ADGRF3: variants seen among roughly 807,000 people sequenced by gnomAD.
ADGRF3 encodes the protein G protein-coupled receptor 113.
ADGRF3 carries 85 observed loss-of-function variants against 93.2 expected under a neutral mutation model. That is an observed-to-expected ratio of 0.91 (90% CI 0.77 to 1.09). The LOEUF (loss-of-function observed/expected upper bound fraction) is 1.09, where lower values mean the gene tolerates loss of function less well. Among genes scored for constraint, ADGRF3 ranks in the 50% least tolerant of loss-of-function variants. ADGRF3 has a pLI of 0.00. For missense variants in ADGRF3, 1,125 were observed against 1,246.2 expected (o/e 0.90, Z 1.46); for synonymous variants, 534 against 532.5 (o/e 1.00, Z -0.04).
Position 26,308,248 on chromosome 2 carries a change from T to C in ADGRF3, c.*838A>G, listed in dbSNP as rs952563761. On this transcript the variant is annotated 3_prime_UTR_variant, in exon 14 of 14. Coordinates refer to ENST00000651242, the MANE Select transcript of ADGRF3 (RefSeq NM_001321971.2). ...TTATAAAAAATATCCATGAATTGCATAATTAACAAAGACCGATTCATCAGA... is the reference window on the plus strand; with the variant it reads ...TTATAAAAAATATCCATGAATTGCACAATTAACAAAGACCGATTCATCAGA... 1 of 152,128 alleles carries C rather than the reference T, an allele frequency of 6.6e-6. No homozygotes were observed. Among genetic ancestry groups the C allele is most frequent in the Non-Finnish European group, 1.5e-5 (1 of 68,028 alleles). 9.4% of individuals were successfully genotyped at this position (152,128 alleles called of 1,614,324 possible). A position where few individuals can be genotyped will look rare whatever the true frequency, so the allele number is the denominator to read the frequency against.
chr2:26,321,823 A>G (rs976692634), intron 1 of ADGRF3, among the ~76,000 whole-genome samples: 2 of 151,068 alleles, frequency 1.3e-5, no homozygotes, highest in Admixed American at 1.3e-4. Context: ...AATACAAAAA[A>G]ATTAGCCAGG....
rs755388045 is a variant in ADGRF3 at position 26,310,905 on chromosome 2, C to A, written c.2619G>T (p.Gly873=). 13 of 1,612,628 alleles carry A rather than the reference C, an allele frequency of 8.1e-6. No individual in the cohort carries two copies. The Admixed American group carries it at 2.2e-4, about 27-fold the overall frequency. ...GPVLAIIGVN[G]LVLAMAMLKL... is the part of the protein sequence containing the mutation. Reference sequence around the variant, plus strand: ...TCAGCATGGCCATGGCTAGTACCAGCCCATTCACGCCTATGATGGCCAGCA... The same window carrying A: ...TCAGCATGGCCATGGCTAGTACCAGACCATTCACGCCTATGATGGCCAGCA... Residue 873 remains glycine, a synonymous_variant, in exon 10 of 14, where the codon GGG becomes GGT. Transcript: ENST00000651242.
chr2:26,312,733 C>T (rs1027399879), intron 9 of ADGRF3, among the ~76,000 whole-genome samples: 3 of 152,232 alleles, frequency 2.0e-5, no homozygotes, highest in African/African-American at 7.2e-5. Flanking sequence ...GCCTCCAACC[C>T]CCATGTGCTC....
intron 6 of ADGRF3, 24 bp downstream of exon 6, chr2:26,314,390 C>G (rs762878138): frequency 1.3e-6 from 2 of 1,599,388 alleles, no homozygotes; most frequent in Non-Finnish European, 1.7e-6. Context: ...CCTCTGACCC[C>G]TGACTGCTGG....
rs755184709 is a variant in ADGRF3 at position 26,311,372 on chromosome 2, G to T, written c.2152C>A (p.Leu718Ile). 240 of 1,613,910 alleles carry T rather than the reference G, an allele frequency of 1.5e-4. No homozygotes were observed. The highest frequency in any genetic ancestry group is 6.8e-6 in the Non-Finnish European group (8 of 1,179,906). The change falls in exon 10 of 14, where the codon CTT becomes ATT. Residue 718 changes from leucine (L) to isoleucine (I), a missense_variant. Leu to Ile is a conservative substitution (Grantham distance 5, BLOSUM62 2). Coordinates refer to ENST00000651242, the MANE Select transcript of ADGRF3 (RefSeq NM_001321971.2). ...VGLGASILAL[L>I]VCLGVYWLVW... ...AGCCAGTACACACCCAGGCACACAA[G>T]CAGCGCCAGTATGGAAGCTCCCAAG...
At chr2:26,343,333 A>T (rs1043546907) in intron 1 of ADGRF3, among the ~76,000 whole-genome samples, 1 of 152,256 alleles carries the variant, frequency 6.6e-6, no homozygotes, top group African/African-American at 2.4e-5. Flanking sequence ...ACTTAATCTC[A>T]GAGAAGTTAT....
In ADGRF3 at chr2:26,309,188, C is replaced by T. The variant is rs529018793; in HGVS notation, c.2994-81G>A. ...CCCTCCCCTCTGGATACCAAGCCCA[C>T]CCATGGCAATCCCTTCAAGGCGTGA... On this transcript the variant is annotated intron_variant, in intron 13 of 13. Coordinates refer to ENST00000651242, the MANE Select transcript of ADGRF3 (RefSeq NM_001321971.2). 4.6e-5 allele frequency: 74 copies of T among 1,613,934 alleles called. No individual in the cohort carries two copies. In the Admixed American group the frequency reaches 9.3e-4, roughly 20 times the overall value.
intron 1 of ADGRF3, chr2:26,318,110 A>AG (rs755884651): frequency 2.6e-6 from 4 of 1,545,902 alleles, no homozygotes; most frequent in Non-Finnish European, 2.6e-6. Context: ...TGGGGCAGGC[A>AG]GGGAAGGGTC....
At chr2:26,329,851 CT>C (rs1409697492) in intron 1 of ADGRF3, among the ~76,000 whole-genome samples, 1 of 152,126 alleles carries the variant, frequency 6.6e-6, no homozygotes, top group African/African-American at 2.4e-5. Flanking sequence ...ACTTATGGCA[CT>C]TTTGTAATAG....
At chr2:26,332,172 C>A (rs1438279978) in intron 1 of ADGRF3, among the ~76,000 whole-genome samples, 1 of 152,190 alleles carries the variant, frequency 6.6e-6, no homozygotes, top group Non-Finnish European at 1.5e-5. Context: ...AAATAGAGAT[C>A]TGTTCAGTAG....
At chr2:26,328,547 A>G (rs934856404) in intron 1 of ADGRF3, among the ~76,000 whole-genome samples, 1 of 143,994 alleles carries the variant, frequency 6.9e-6, no homozygotes, top group African/African-American at 2.6e-5. Flanking sequence ...TCCGCCTCCC[A>G]GGTTCAAGCG....
intron 1 of ADGRF3, among the ~76,000 whole-genome samples, chr2:26,343,535 GTTCACACCA>G (rs1314700379): frequency 6.6e-6 from 1 of 152,048 alleles, no homozygotes; most frequent in Non-Finnish European, 1.5e-5. Context: ...CGCCTCCCGG[GTTCACACCA>G]TTCTCCTGCC....
intron 1 of ADGRF3, among the ~76,000 whole-genome samples, chr2:26,327,346 T>G (rs1284542984): frequency 6.6e-6 from 1 of 152,218 alleles, no homozygotes; most frequent in Non-Finnish European, 1.5e-5. Context: ...AGTTTATCCC[T>G]GATGTTCATT....
At chr2:26,330,581 G>A (rs1459782836) in intron 1 of ADGRF3, among the ~76,000 whole-genome samples, 3 of 152,094 alleles carry the variant, frequency 2.0e-5, no homozygotes, top group African/African-American at 7.2e-5. Context: ...CTCGGCTCCT[G>A]CGGATCCTCA....
At chr2:26,313,220 CT>C in intron 8 of ADGRF3, 98 bp from the exon 9 acceptor site, 2 of 1,487,854 alleles carry the variant, frequency 1.3e-6, no homozygotes, top group Non-Finnish European at 9.2e-7. Flanking sequence ...CCCAGAAGCC[CT>C]CTCACTCCTA....
chr2:26,315,908 G>T, intron 4 of ADGRF3, 168 bp from the exon 5 acceptor site: 1 of 1,033,140 alleles, frequency 9.7e-7, no homozygotes, highest in Non-Finnish European at 1.4e-6. Flanking sequence ...TGTGGCTGCT[G>T]CAATCCAGCC....
chr2:26,314,172 T>C (rs1005391630), intron 6 of ADGRF3, among the ~76,000 whole-genome samples: 2 of 152,226 alleles, frequency 1.3e-5, no homozygotes, highest in Admixed American at 6.5e-5. Flanking sequence ...ACTAATTCCA[T>C]AGAGAGTTAA....
In ADGRF3 at chr2:26,314,442, C is replaced by A; in HGVS notation, c.900G>T (p.Ala300=). ...CIPSTNLAYT[A]AWSPGEGSKA... ...TGCTGCCCTCTCCAGGGCTCCAGGC[C>A]GCGGTGTAGGCCAGGTTTGTGCTGG... Residue 300 remains alanine (A), a synonymous_variant, in exon 6 of 14, where the codon GCG becomes GCT. Transcript: ENST00000651242. 1 of 1,613,896 alleles carries A rather than the reference C, an allele frequency of 6.2e-7. No homozygotes were observed. The highest frequency in any genetic ancestry group is 8.5e-7 in the Non-Finnish European group (1 of 1,179,882).
rs139085587 is a variant in ADGRF3, at chr2:26,311,888, G to T, written c.1636C>A (p.Leu546Met). The change falls in exon 10 of 14, where the codon CTG (leucine) becomes ATG (methionine). Residue 546 changes from leucine (L) to methionine (M), a missense_variant. Physicochemically the swap from Leu to Met is conservative, Grantham distance 15. Transcript: ENST00000651242. ...SLPNVLLQSQ[L>M]FGPTFPADYS... The stretch of plus-strand genomic sequence containing the variant: ...TCAGCAGGAAACGTGGGTCCAAACA[G>T]CTGGCTCTGCAGCAGCACATTGGGT... 1.9e-6 allele frequency: 3 copies of T among 1,613,954 alleles called. No individual in the cohort carries two copies. The highest frequency in any genetic ancestry group is 1.1e-5 in the South Asian group (1 of 91,080).
Sources: gnomAD v4.1 joint callset for allele counts (sites outside exome capture counted in the v4.1 genomes callset) on GRCh38, gnomAD v4.1.1 for gene constraint, MANE v1.5 for transcripts, NCBI Gene and HGNC (gene_info 2026-07-23, HGNC 2026-07-21) for gene names.